The following SPANXN4 variants were observed in gnomAD, a reference collection of about 807,000 sequenced individuals.
SPANXN4 encodes sperm protein associated with the nucleus on the X chromosome N4.
A neutral mutation model predicts 6.0 loss-of-function variants in SPANXN4; 5 were observed. The observed-to-expected ratio is 0.83, with a 90% confidence interval of 0.44 to 1.75. SPANXN4 has a LOEUF of 1.75. Ranked by LOEUF, SPANXN4 falls within the 40% of genes most tolerant of loss-of-function variation. The pLI, the probability that SPANXN4 is intolerant of heterozygous loss-of-function variation, is 0.02. For synonymous variants in SPANXN4, 45 were observed against 38.0 expected, an observed-to-expected ratio of 1.19 and a Z score of -0.68; for missense variants, 157 against 108.6, an observed-to-expected ratio of 1.45 and a Z score of -1.98.
At chrX:143,031,100 G>A (rs1932807151) in intron 1 of SPANXN4, among the ~76,000 whole-genome samples, 2 of 110,734 alleles carry the variant, frequency 1.8e-5, no homozygotes, top group Non-Finnish European at 3.8e-5. Flanking sequence ...TAGAATTGTA[G>A]GAGCCGCATT....
At chrX:143,037,748 G>T, downstream of SPANXN4, among the ~76,000 whole-genome samples, 1 of 111,354 alleles carries the variant, frequency 9.0e-6, no homozygotes, top group Admixed American at 9.6e-5. Flanking sequence ...CCTCCATGTT[G>T]CTCTCATGAT....
downstream of SPANXN4, among the ~76,000 whole-genome samples, chrX:143,037,574 G>T (rs1304419518): frequency 3.3e-4 from 37 of 111,532 alleles, no homozygotes; most frequent in Admixed American, 3.5e-3. Flanking sequence ...AGAAACTGCT[G>T]TTTATCAATT....
downstream of SPANXN4, among the ~76,000 whole-genome samples, chrX:143,037,728 G>A (rs993892000): frequency 1.8e-5 from 2 of 111,338 alleles, no homozygotes; most frequent in African/African-American, 6.5e-5. Context: ...TTGGATCATG[G>A]GGGCAGTTTC....
intron 1 of SPANXN4, among the ~76,000 whole-genome samples, chrX:143,026,995 G>T (rs7060174): frequency 0.21 from 23,236 of 110,897 alleles, 2,039 homozygotes; most frequent in South Asian, 0.31. Flanking sequence ...GTCTGCTTGT[G>T]AGGCAAAATG....
At chrX:143,032,627 G>A (rs745444012) in intron 1 of SPANXN4, among the ~76,000 whole-genome samples, 1 of 110,961 alleles carries the variant, frequency 9.0e-6, no homozygotes, top group East Asian at 2.9e-4. Flanking sequence ...ACGGAGATAA[G>A]CAAAGCACTT....
At chrX:143,030,232 G>A (rs1313526868) in intron 1 of SPANXN4, among the ~76,000 whole-genome samples, 1 of 110,821 alleles carries the variant, frequency 9.0e-6, no homozygotes, top group African/African-American at 3.3e-5. Flanking sequence ...TAGGGAAGGG[G>A]CATGTCCTGA....
exon 3 of SPANXN4, chrX:143,034,520 A>G (rs1037642454): frequency 3.4e-5 from 39 of 1,142,373 alleles, no homozygotes; most frequent in Non-Finnish European, 4.2e-5. Flanking sequence ...AGAGGAAGAA[A>G]AGGATTTGGT....
chrX:143,035,341 T>A (rs1399900563), downstream of SPANXN4, among the ~76,000 whole-genome samples: 7 of 110,839 alleles, frequency 6.3e-5, no homozygotes, highest in Non-Finnish European at 1.3e-4. Flanking sequence ...ATGTTTTTTT[T>A]ATTGTTTGTG....
intron 1 of SPANXN4, among the ~76,000 whole-genome samples, chrX:143,027,478 G>C (rs1022141620): frequency 1.8e-5 from 2 of 111,337 alleles, no homozygotes; most frequent in African/African-American, 6.6e-5. Context: ...GATCCAGCTT[G>C]TATCGTGTTC....
chrX:143,037,102 G>T (rs780982687), downstream of SPANXN4, among the ~76,000 whole-genome samples: 2 of 111,138 alleles, frequency 1.8e-5, no homozygotes, highest in South Asian at 7.5e-4. Flanking sequence ...AATTTTACAA[G>T]AAACAATAAC....
At chrX:143,034,556 G>C in exon 3 of SPANXN4, 1 of 1,163,061 alleles carries the variant, frequency 8.6e-7, no homozygotes, top group African/African-American at 1.8e-5. Context: ...TGCATGTTTA[G>C]AAGAGCACAT....
chrX:143,026,045 A>G (rs1219769721), exon 1 of SPANXN4: 1 of 1,210,156 alleles, frequency 8.3e-7, no homozygotes. Context: ...CACCAACGAG[A>G]ATAAAATGAA....
At chrX:143,038,142 C>T (rs1017868130), downstream of SPANXN4, among the ~76,000 whole-genome samples, 4 of 111,930 alleles carry the variant, frequency 3.6e-5, no homozygotes, top group Non-Finnish European at 7.5e-5. Context: ...TCTGTAACTA[C>T]TTACACTCTG....
At chrX:143,026,161 A>G (rs1391704408) in intron 1 of SPANXN4, 69 bp downstream of exon 1, 1 of 952,338 alleles carries the variant, frequency 1.1e-6, no homozygotes, top group Non-Finnish European at 1.5e-6. Flanking sequence ...CGCGGGTCAA[A>G]CAGCAACACG....
At chrX:143,035,605 T>A (rs931991941), downstream of SPANXN4, among the ~76,000 whole-genome samples, 19 of 111,155 alleles carry the variant, frequency 1.7e-4, no homozygotes, top group African/African-American at 5.2e-4. Flanking sequence ...TTAATTTTTA[T>A]TTCCACATGT....
At chrX:143,034,409 T>C (rs1363427729) in intron 2 of SPANXN4, 98 bp downstream of exon 2, 44 of 1,073,637 alleles carry the variant, frequency 4.1e-5, no homozygotes, top group East Asian at 3.6e-4. Context: ...TCCTGTAGCA[T>C]TGGCGGACAG....
downstream of SPANXN4, among the ~76,000 whole-genome samples, chrX:143,037,270 A>G (rs1206707373): frequency 2.7e-5 from 3 of 111,519 alleles, no homozygotes; most frequent in South Asian, 1.1e-3. Context: ...GAACCCAGTC[A>G]TGCTGATCCC....
exon 3 of SPANXN4, chrX:143,034,674 C>T: frequency 8.7e-7 from 1 of 1,150,709 alleles, no homozygotes; most frequent in Middle Eastern, 2.4e-4. Flanking sequence ...TTTTGTAACT[C>T]ACCCAATGCT....
At chrX:143,031,160 G>A (rs1008623205) in intron 1 of SPANXN4, among the ~76,000 whole-genome samples, 3 of 110,806 alleles carry the variant, frequency 2.7e-5, no homozygotes, top group Non-Finnish European at 5.7e-5. Context: ...GATAGGGGTA[G>A]GGCACTGAGG....
Sources: gnomAD v4.1 joint callset for allele counts (sites outside exome capture counted in the v4.1 genomes callset) on GRCh38, gnomAD v4.1.1 for gene constraint, MANE v1.5 for transcripts, NCBI Gene and HGNC (gene_info 2026-07-23, HGNC 2026-07-21) for gene names.